The following DMD variants were observed in gnomAD, a reference collection of about 807,000 sequenced individuals.
DMD encodes dystrophin.
Under a neutral mutation model 330.1 loss-of-function variants are expected in DMD, and 63 were observed. The ratio of observed to expected loss-of-function variants is 0.19; its 90% confidence interval spans 0.16 to 0.24. The LOEUF is 0.24. DMD is among the 10% of genes least tolerant of loss of function. DMD has a pLI of 1.00. For synonymous variants in DMD, 1,223 were observed against 959.8 expected, an observed-to-expected ratio of 1.27 and a Z score of -5.07; for missense variants, 3,344 against 2,684.1, an observed-to-expected ratio of 1.25 and a Z score of -5.43.
rs767472485 is a variant in DMD, at chrX:32,371,696, C to T, written c.4846-6497G>A. On this transcript the variant is annotated intron_variant, in intron 34 of 78. Transcript: ENST00000357033. ...ATTTACTTTCCTATGGTTATGTTTT[C>T]GTGATCAATTCATATGCTAAACAAT... 5.4e-4 allele frequency among the ~76,000 whole-genome samples: 60 copies of T among 110,969 alleles called. 1 individual carries two copies. The highest frequency in any genetic ancestry group is 1.1e-3 in the East Asian group (4 of 3,559).
At chrX:32,035,461 G>A in intron 44 of DMD, 1 of 220,707 alleles carries the variant, frequency 4.5e-6, no homozygotes. Flanking sequence ...TAGATATGGT[G>A]CTAGGTCCTA....
chrX:32,684,413 C>G (rs1411199314), intron 9 of DMD, among the ~76,000 whole-genome samples: 1 of 111,047 alleles, frequency 9.0e-6, no homozygotes, highest in Non-Finnish European at 1.9e-5. Flanking sequence ...TTTTATTAAT[C>G]CTATGGTGAT....
At chrX:32,653,928 T>TG (rs2060360897) in intron 9 of DMD, among the ~76,000 whole-genome samples, 2 of 111,888 alleles carry the variant, frequency 1.8e-5, no homozygotes, top group Admixed American at 9.5e-5. Context: ...CAATTGTGAA[T>TG]GGAGTTCACT....
intron 1 of DMD, among the ~76,000 whole-genome samples, chrX:33,327,713 T>C (rs1049423642): frequency 5.4e-5 from 6 of 111,496 alleles, no homozygotes; most frequent in Admixed American, 1.9e-4. Flanking sequence ...CAAATCTGTA[T>C]CACTAACTCA....
intron 1 of DMD, among the ~76,000 whole-genome samples, chrX:33,282,525 TGAGTGA>T (rs2053351933): frequency 9.0e-6 from 1 of 111,241 alleles, no homozygotes; most frequent in Admixed American, 9.6e-5. Context: ...TTTCCTGTTG[TGAGTGA>T]GAGTGAGTGA....
chrX:31,929,490 C>T, intron 47 of DMD, 106 bp downstream of exon 47: 1 of 952,011 alleles, frequency 1.1e-6, no homozygotes, highest in Non-Finnish European at 1.5e-6. Flanking sequence ...AACAACAATC[C>T]ACATACCAGC....
intron 9 of DMD, among the ~76,000 whole-genome samples, chrX:32,655,016 G>C (rs775998905): frequency 2.0e-4 from 22 of 110,967 alleles, no homozygotes; most frequent in African/African-American, 6.6e-4. Flanking sequence ...ATTTTTTATT[G>C]CATCTATTTG....
At chrX:32,538,641 G>A (rs1021069211) in intron 17 of DMD, among the ~76,000 whole-genome samples, 2 of 111,320 alleles carry the variant, frequency 1.8e-5, no homozygotes, top group Non-Finnish European at 3.8e-5. Context: ...GGGTCAGACT[G>A]TAAATGACAA....
intron 43 of DMD, among the ~76,000 whole-genome samples, chrX:32,273,331 T>A (rs755557877): frequency 9.0e-6 from 1 of 110,647 alleles, no homozygotes; most frequent in East Asian, 2.8e-4. Flanking sequence ...GTGGTGTGCC[T>A]CTGTAATCCC....
chrX:32,866,357 G>A (rs763158600), intron 2 of DMD, among the ~76,000 whole-genome samples: 1 of 112,086 alleles, frequency 8.9e-6, no homozygotes, highest in Non-Finnish European at 1.9e-5. Context: ...TTTCAAGGTG[G>A]CTTATTACAC....
intron 9 of DMD, among the ~76,000 whole-genome samples, chrX:32,655,682 C>T (rs181670303): frequency 9.0e-6 from 1 of 111,563 alleles, no homozygotes; most frequent in African/African-American, 3.3e-5. Context: ...GAGTTCAATT[C>T]TTGGATATCC....
chrX:31,663,435 CCT>C (rs1328358278), intron 53 of DMD, among the ~76,000 whole-genome samples: 3 of 111,692 alleles, frequency 2.7e-5, no homozygotes, highest in Non-Finnish European at 3.8e-5. Flanking sequence ...TATTGAATTT[CCT>C]CTGTTTGAAA....
chrX:32,144,540 A>T (rs958779774), intron 44 of DMD, among the ~76,000 whole-genome samples: 2 of 111,698 alleles, frequency 1.8e-5, no homozygotes, highest in Admixed American at 9.5e-5. Context: ...AACTTTAAAA[A>T]GTTGGGATTT....
At chrX:31,199,495 C>T (rs2043227539) in intron 67 of DMD, among the ~76,000 whole-genome samples, 1 of 111,965 alleles carries the variant, frequency 8.9e-6, no homozygotes, top group Admixed American at 9.5e-5. Context: ...CTTGGAAGAC[C>T]TATAGTGATT....
intron 52 of DMD, among the ~76,000 whole-genome samples, chrX:31,695,632 A>C (rs947384496): frequency 1.8e-5 from 2 of 111,188 alleles, no homozygotes; most frequent in African/African-American, 6.5e-5. Context: ...AATAAGGATG[A>C]GCCTGGAGGA....
intron 60 of DMD, among the ~76,000 whole-genome samples, chrX:31,403,028 T>C (rs908838827): frequency 1.8e-5 from 2 of 111,568 alleles, no homozygotes; most frequent in Non-Finnish European, 3.8e-5. Flanking sequence ...CCTAGTACAA[T>C]TGGAAAAGAA....
Position 31,421,938 on chromosome X carries a change from CACACATAT to C in DMD, c.9084+22535_9084+22542del, listed in dbSNP as rs2063411638. The stretch of plus-strand genomic sequence containing the variant: ...ACATATATATATATATATATACACA[CACACATAT>C]ATATATATATATACACATATATATA... On this transcript the variant is annotated intron_variant, in intron 60 of 78. Transcript: ENST00000357033. 1.7e-4 allele frequency among the ~76,000 whole-genome samples: 11 copies of C among 65,058 alleles called. No homozygotes were observed. In the South Asian group the frequency reaches 2.3e-3, roughly 14 times the overall value. 56.5% of individuals were successfully genotyped at this position (65,058 alleles called of 115,157 possible).
chrX:32,218,709 C>T (rs956812794), intron 43 of DMD, among the ~76,000 whole-genome samples: 3 of 111,562 alleles, frequency 2.7e-5, no homozygotes, highest in Non-Finnish European at 5.7e-5. Context: ...CCTACAATAA[C>T]CCTGCAGCAT....
At position 31,482,480 on chromosome X, in the gene DMD, G is replaced by C. The variant is rs748284083; in HGVS notation, c.8548-3377C>G. Among the ~76,000 whole-genome samples the C allele has an allele frequency of 6.3e-5, 7 of 111,260 alleles. 1 individual carries two copies. In the South Asian group the frequency reaches 2.7e-3, roughly 43 times the overall value. On this transcript the variant is annotated intron_variant, in intron 57 of 78. Coordinates refer to ENST00000357033, the MANE Select transcript of DMD (RefSeq NM_004006.3). ...AGGAACAAATAGGTGGAGAGATTAG[G>C]GGAAATGAGGAGTGTAGAAATTTCA...
Sources: allele counts gnomAD v4.1 joint callset (sites outside exome capture counted in the v4.1 genomes callset), GRCh38; gene constraint gnomAD v4.1.1; transcripts MANE v1.5; gene names NCBI Gene and HGNC (gene_info 2026-07-23, HGNC 2026-07-21).